The following FBXL4 variants were observed in gnomAD, a reference collection of about 807,000 sequenced individuals.
The protein encoded by FBXL4 is F-box/LRR-repeat protein 4.
In FBXL4, 40 loss-of-function variants were observed where a neutral mutation model predicts 58.9. That is an observed-to-expected ratio of 0.68 (90% confidence interval 0.53 to 0.88). The LOEUF is 0.88. Among genes scored for constraint, FBXL4 ranks in the 40% least tolerant of loss-of-function variants. FBXL4 has a pLI of 0.00. For synonymous variants in FBXL4, 263 were observed against 265.5 expected, an observed-to-expected ratio of 0.99 and a Z score of 0.09; for missense variants, 676 against 734.4, an observed-to-expected ratio of 0.92 and a Z score of 0.92.
At chr6:98,923,170 A>G (rs1223236067) in intron 4 of FBXL4, among the ~76,000 whole-genome samples, 1 of 152,032 alleles carries the variant, frequency 6.6e-6, no homozygotes, top group Non-Finnish European at 1.5e-5. Context: ...CCAGCTCTCT[A>G]GCAACTTTGC....
At chr6:98,938,766 A>C (rs1311511134) in intron 1 of FBXL4, among the ~76,000 whole-genome samples, 1 of 151,756 alleles carries the variant, frequency 6.6e-6, no homozygotes, top group Non-Finnish European at 1.5e-5. Context: ...TTTTTCCAGA[A>C]TAGGGCACTT....
chr6:98,941,915 T>G (rs74297633), intron 1 of FBXL4, among the ~76,000 whole-genome samples: 1 of 152,014 alleles, frequency 6.6e-6, no homozygotes, highest in Non-Finnish European at 1.5e-5. Flanking sequence ...ATCCATGAAA[T>G]AAGCACAAAC....
chr6:98,915,118 T>C (rs1050801931), intron 5 of FBXL4, among the ~76,000 whole-genome samples: 1 of 152,078 alleles, frequency 6.6e-6, no homozygotes, highest in Non-Finnish European at 1.5e-5. Context: ...ACAAGGGACG[T>C]GAAGGACCTA....
chr6:98,895,970 A>G (rs1771395327), intron 7 of FBXL4, among the ~76,000 whole-genome samples: 3 of 152,164 alleles, frequency 2.0e-5, no homozygotes, highest in Non-Finnish European at 4.4e-5. Flanking sequence ...TTATTTTAGA[A>G]TTTTGTAGGG....
chr6:98,910,823 G>A (rs1012355133), intron 5 of FBXL4, among the ~76,000 whole-genome samples: 1 of 152,130 alleles, frequency 6.6e-6, no homozygotes, highest in Non-Finnish European at 1.5e-5. Flanking sequence ...CCAGATAGTG[G>A]GCGCAGGACA....
At chr6:98,892,154 T>C (rs1433115666) in intron 7 of FBXL4, among the ~76,000 whole-genome samples, 2 of 152,232 alleles carry the variant, frequency 1.3e-5, no homozygotes, top group Non-Finnish European at 2.9e-5. Flanking sequence ...AAACTTATTA[T>C]CAGCTATTAA....
chr6:98,900,050 T>C (rs1771549542), intron 6 of FBXL4, among the ~76,000 whole-genome samples: 1 of 152,220 alleles, frequency 6.6e-6, no homozygotes, highest in African/African-American at 2.4e-5. Flanking sequence ...GATTGCTTGA[T>C]ATTGAAAATA....
intron 8 of FBXL4, among the ~76,000 whole-genome samples, chr6:98,876,805 G>GT (rs1472254952): frequency 6.6e-6 from 1 of 152,178 alleles, no homozygotes; most frequent in Admixed American, 6.5e-5. Context: ...TCCAAGGGTG[G>GT]TGAGGGAGAG....
At chr6:98,908,383 C>T (rs898382860) in intron 5 of FBXL4, among the ~76,000 whole-genome samples, 26 of 152,074 alleles carry the variant, frequency 1.7e-4, no homozygotes, top group African/African-American at 6.3e-4. Flanking sequence ...CACCTCCTTC[C>T]GTTTCATAGA....
intron 1 of FBXL4, among the ~76,000 whole-genome samples, chr6:98,938,041 C>CTTTTTT (rs71015480): frequency 1.2e-4 from 15 of 121,074 alleles, no homozygotes; most frequent in Non-Finnish European, 2.5e-4. Flanking sequence ...CCCCTGCACC[C>CTTTTTT]TTTTTTTTTT....
At chr6:98,929,571 C>CAAAA (rs1169039097) in intron 2 of FBXL4, among the ~76,000 whole-genome samples, 2 of 90,700 alleles carry the variant, frequency 2.2e-5, no homozygotes, top group Non-Finnish European at 2.5e-5. Context: ...AACTCCGTCT[C>CAAAA]AAAAAAAAAA....
chr6:98,942,917 C>A (rs1773484933), intron 1 of FBXL4, among the ~76,000 whole-genome samples: 1 of 152,010 alleles, frequency 6.6e-6, no homozygotes, highest in Non-Finnish European at 1.5e-5. Context: ...GTTAATATGA[C>A]TAGATTAAAT....
chr6:98,944,139 A>G (rs893621460), intron 1 of FBXL4, among the ~76,000 whole-genome samples: 5 of 152,266 alleles, frequency 3.3e-5, no homozygotes, highest in Non-Finnish European at 7.3e-5. Context: ...TTAAAAATCT[A>G]TATCTATGAT....
chr6:98,932,976 C>T (rs1048541515), intron 2 of FBXL4, among the ~76,000 whole-genome samples: 13 of 150,848 alleles, frequency 8.6e-5, no homozygotes, highest in African/African-American at 3.2e-4. Context: ...TTAGAATGCT[C>T]AATGTGGTAA....
chr6:98,913,343 A>G (rs1772181138), intron 5 of FBXL4, among the ~76,000 whole-genome samples: 1 of 152,086 alleles, frequency 6.6e-6, no homozygotes. Context: ...ACATCTACAG[A>G]ACTCTCCACC....
Position 98,898,781 on chromosome 6 carries a change from T to C in FBXL4, c.1317+487A>G, listed in dbSNP as rs546619064. 5.3e-5 allele frequency: 52 copies of C among 985,338 alleles called. No homozygotes were observed. In the East Asian group the frequency reaches 2.0e-3, roughly 39 times the overall value. The allele number at this position is 985,338 out of a possible 1,614,324, so 61.0% of individuals were successfully genotyped here. ...TATATGCACTGACCCTGGAAACATGTCCTAGAGATATTAGTGAAAAAGCAA... is the reference window on the plus strand; with the variant it reads ...TATATGCACTGACCCTGGAAACATGCCCTAGAGATATTAGTGAAAAAGCAA... On this transcript the variant is annotated intron_variant, in intron 7 of 9. Coordinates refer to ENST00000369244, the MANE Select transcript of FBXL4 (RefSeq NM_001278716.2).
rs200945006 is a variant in FBXL4, at chr6:98,907,678, G to GT, written c.859-2009dup. On this transcript the variant is annotated intron_variant, in intron 5 of 9. Transcript: ENST00000369244. ...AAAAATCTTATTTAGATGAGAGAGG[G>GT]TTTTTTTTAATTTAATGTATTTATC... Among the ~76,000 whole-genome samples, 1,063 of 151,820 alleles carry GT rather than the reference G, an allele frequency of 7.0e-3. 17 individuals carry two copies. Among genetic ancestry groups the GT allele is most frequent in the African/African-American group, 0.025 (1,023 of 41,390 alleles).
chr6:98,932,101 T>C (rs544173218), intron 2 of FBXL4, among the ~76,000 whole-genome samples: 1 of 152,240 alleles, frequency 6.6e-6, no homozygotes, highest in South Asian at 2.1e-4. Flanking sequence ...AGAGTGATTA[T>C]AAAATGGATC....
intron 1 of FBXL4, among the ~76,000 whole-genome samples, chr6:98,939,520 T>C (rs953231977): frequency 6.6e-6 from 1 of 152,216 alleles, no homozygotes; most frequent in African/African-American, 2.4e-5. Context: ...TCACAAAAAG[T>C]GCAAGGTTTT....
Sources: allele counts gnomAD v4.1 joint callset (sites outside exome capture counted in the v4.1 genomes callset), GRCh38; gene constraint gnomAD v4.1.1; transcripts MANE v1.5; gene names NCBI Gene and HGNC (gene_info 2026-07-23, HGNC 2026-07-21).